Variants in TLL2 observed in about 807,000 individuals in gnomAD.
TLL2 encodes the protein tolloid like 2.
A neutral mutation model predicts 123.0 loss-of-function variants in TLL2; 106 were observed. That is an observed-to-expected ratio of 0.86 (90% CI 0.74 to 1.01). The LOEUF is 1.01. Ranked by LOEUF, TLL2 falls within the 50% of genes least tolerant of loss-of-function variation. TLL2 has a pLI of 0.00. For synonymous variants in TLL2, 494 were observed against 516.8 expected, an observed-to-expected ratio of 0.96 and a Z score of 0.60; for missense variants, 1,332 against 1,336.7, an observed-to-expected ratio of 1.00 and a Z score of 0.06.
At chr10:96,513,334 C>T (rs1392732068) in intron 1 of TLL2, among the ~76,000 whole-genome samples, 177 bp downstream of exon 1, 1 of 152,206 alleles carries the variant, frequency 6.6e-6, no homozygotes, top group Non-Finnish European at 1.5e-5. Context: ...CCGGGACATC[C>T]CAGCCTCGGA....
At chr10:96,487,732 C>T (rs1847371341) in intron 1 of TLL2, among the ~76,000 whole-genome samples, 1 of 152,174 alleles carries the variant, frequency 6.6e-6, no homozygotes, top group African/African-American at 2.4e-5. Flanking sequence ...AATGACTCGC[C>T]TGGGGTCACA....
chr10:96,442,324 G>T (rs748304681), intron 3 of TLL2, among the ~76,000 whole-genome samples: 3 of 152,174 alleles, frequency 2.0e-5, no homozygotes, highest in African/African-American at 7.2e-5. Flanking sequence ...TTTCCTGGGG[G>T]TGGTGGAAGG....
At chr10:96,441,089 C>T (rs1328055153) in intron 3 of TLL2, among the ~76,000 whole-genome samples, 2 of 152,206 alleles carry the variant, frequency 1.3e-5, no homozygotes, top group African/African-American at 2.4e-5. Flanking sequence ...GAGCCCTGTC[C>T]TCTCTGAAAG....
intron 9 of TLL2, 100 bp from the exon 10 acceptor site, chr10:96,405,434 G>T: frequency 9.0e-7 from 1 of 1,108,010 alleles, no homozygotes; most frequent in Non-Finnish European, 1.4e-6. Flanking sequence ...CCTTTAGCAT[G>T]CAGAACTTTC....
intron 2 of TLL2, among the ~76,000 whole-genome samples, chr10:96,467,484 C>T (rs934977711): frequency 1.3e-5 from 2 of 152,286 alleles, no homozygotes; most frequent in Admixed American, 1.3e-4. Context: ...CCTTCTGCCT[C>T]AGCCTCCCAA....
intron 5 of TLL2, among the ~76,000 whole-genome samples, chr10:96,427,557 C>G (rs781103520): frequency 3.3e-5 from 5 of 152,162 alleles, no homozygotes; most frequent in African/African-American, 4.8e-5. Flanking sequence ...GTCCCTTATA[C>G]CCTTTCTCAT....
intron 3 of TLL2, among the ~76,000 whole-genome samples, chr10:96,436,200 G>C (rs1846793590): frequency 2.0e-5 from 3 of 152,210 alleles, no homozygotes. Context: ...TCAATAAATG[G>C]ACATGGCTGT....
chr10:96,427,607 A>G (rs529924214), intron 5 of TLL2, among the ~76,000 whole-genome samples: 2 of 152,348 alleles, frequency 1.3e-5, no homozygotes, highest in East Asian at 3.9e-4. Context: ...TGACTTTAAA[A>G]ACAAAAACAA....
Position 96,413,266 on chromosome 10 carries a change from C to T in TLL2, c.974G>A (p.Arg325Lys). The T allele has an allele frequency of 6.2e-7, 1 of 1,614,156 alleles. No homozygotes were observed. Among genetic ancestry groups the T allele is most frequent in the Non-Finnish European group, 8.5e-7 (1 of 1,179,990 alleles). Reference protein sequence around the residue: ...ILPRQDDNGVRPTIGQRVRLS... With the variant: ...ILPRQDDNGVKPTIGQRVRLS... ...CCGCACGCGCTGGCCAATGGTTGGCCTGACGCCATTGTCATCTTGACGGGG... is the reference window on the plus strand; with the variant it reads ...CCGCACGCGCTGGCCAATGGTTGGCTTGACGCCATTGTCATCTTGACGGGG... The change falls in exon 8 of 21, where the codon AGG becomes AAG. Residue 325 changes from arginine to lysine, a missense_variant. Physicochemically the swap from Arg to Lys is conservative, Grantham distance 26 (BLOSUM62 2). Transcript: ENST00000357947.
At chr10:96,379,180 T>G (rs1430879818) in intron 16 of TLL2, 88 bp from the exon 17 acceptor site, 3 of 1,517,884 alleles carry the variant, frequency 2.0e-6, no homozygotes, top group African/African-American at 1.4e-5. Flanking sequence ...AGTGGCCTCC[T>G]CTGGGAAGCC....
chr10:96,386,022 C>G (rs972528578), intron 15 of TLL2, 33 bp downstream of exon 15: 1 of 1,539,894 alleles, frequency 6.5e-7, no homozygotes, highest in Non-Finnish European at 8.8e-7. Flanking sequence ...CCCCTCAATA[C>G]AGTCCCCAAT....
At chr10:96,408,511 C>A (rs1446210706) in intron 9 of TLL2, among the ~76,000 whole-genome samples, 2 of 152,200 alleles carry the variant, frequency 1.3e-5, no homozygotes, top group Non-Finnish European at 2.9e-5. Context: ...ACACCCTCTG[C>A]TGTGCAGAGC....
intron 10 of TLL2, among the ~76,000 whole-genome samples, chr10:96,398,580 G>GAAATCT (rs1846362074): frequency 6.6e-6 from 1 of 152,190 alleles, no homozygotes; most frequent in South Asian, 2.1e-4. Context: ...TCTGAAATCT[G>GAAATCT]GAGCCTCCAC....
At chr10:96,455,883 G>A (rs1233749706) in intron 2 of TLL2, among the ~76,000 whole-genome samples, 1 of 152,166 alleles carries the variant, frequency 6.6e-6, no homozygotes, top group Non-Finnish European at 1.5e-5. Context: ...ACCCTCTCTT[G>A]GGGTCTGGAT....
chr10:96,397,940 C>A (rs1165573972), intron 10 of TLL2, among the ~76,000 whole-genome samples: 1 of 152,110 alleles, frequency 6.6e-6, no homozygotes, highest in Non-Finnish European at 1.5e-5. Context: ...AGAAAGAGAT[C>A]CCAGGTAGGT....
Position 96,395,993 on chromosome 10 carries a change from T to C in TLL2, c.1412A>G (p.Asp471Gly), listed in dbSNP as rs1437792323. The C allele has an allele frequency of 1.9e-6, 3 of 1,614,150 alleles. No individual in the cohort carries two copies. The highest frequency in any genetic ancestry group is 2.5e-6 in the Non-Finnish European group (3 of 1,180,020). ...EATCGGDMNK[D>G]AGQIQSPNYP... ...GTTGGGAGATTGAATCTGACCGGCA[T>C]CTTTGTTCATGTCTCCCCCGCAGGT... Residue 471 changes from aspartate to glycine, a missense_variant, in exon 12 of 21, where the codon GAT becomes GGT. Asp to Gly is a moderately conservative substitution (Grantham distance 94). Transcript: ENST00000357947.
intron 7 of TLL2, among the ~76,000 whole-genome samples, chr10:96,416,296 G>A (rs1415245309): frequency 6.6e-6 from 1 of 152,256 alleles, no homozygotes; most frequent in Non-Finnish European, 1.5e-5. Context: ...TCACGTAGAT[G>A]ACTTTGCCAG....
intron 3 of TLL2, among the ~76,000 whole-genome samples, chr10:96,441,553 T>C (rs1846850842): frequency 6.6e-6 from 1 of 152,198 alleles, no homozygotes; most frequent in Non-Finnish European, 1.5e-5. Context: ...GAACCACTGA[T>C]ACAGCCCAAA....
chr10:96,390,905 C>CATAAG (rs1846281331), intron 13 of TLL2, among the ~76,000 whole-genome samples: 1 of 152,214 alleles, frequency 6.6e-6, no homozygotes, highest in Non-Finnish European at 1.5e-5. Flanking sequence ...GTGTGAAAAA[C>CATAAG]ATAAGATCTC....
Sources: gnomAD v4.1 joint callset for allele counts (sites outside exome capture counted in the v4.1 genomes callset) on GRCh38, gnomAD v4.1.1 for gene constraint, MANE v1.5 for transcripts, NCBI Gene and HGNC (gene_info 2026-07-23, HGNC 2026-07-21) for gene names.